Variants in TCF4 observed in about 807,000 individuals in gnomAD.
The protein encoded by TCF4 is SL3-3 enhancer factor 2.
A neutral mutation model predicts 82.1 loss-of-function variants in TCF4; 3 were observed. The observed-to-expected ratio is 0.04, with a 90% confidence interval of 0.02 to 0.09. The LOEUF (loss-of-function observed/expected upper bound fraction) is 0.09. Among genes scored for constraint, TCF4 ranks in the 10% least tolerant of loss-of-function variants. TCF4 has a pLI of 1.00. For missense variants in TCF4, 518 were observed against 852.7 expected (o/e 0.61, Z 4.89); for synonymous variants, 276 against 309.6 (o/e 0.89, Z 1.14).
At chr18:55,427,372 A>G (rs2095033038) in intron 5 of TCF4, among the ~76,000 whole-genome samples, 1 of 152,190 alleles carries the variant, frequency 6.6e-6, no homozygotes, top group Admixed American at 6.5e-5. Flanking sequence ...ATGATTCCTC[A>G]GCTCCCTTGA....
At chr18:55,588,278 A>G, upstream of TCF4, 1 of 1,433,074 alleles carries the variant, frequency 7.0e-7, no homozygotes, top group Non-Finnish European at 9.1e-7. Context: ...GGAGGGGGAA[A>G]CACGCCGAGG....
chr18:55,288,712 A>C (rs1322577512), intron 8 of TCF4, among the ~76,000 whole-genome samples: 1 of 152,224 alleles, frequency 6.6e-6, no homozygotes, highest in Non-Finnish European at 1.5e-5. Context: ...TTACTGCAAG[A>C]AGCAGGACCA....
chr18:55,625,607 C>T (rs908728067), intron 2 of TCF4, among the ~76,000 whole-genome samples: 14 of 152,114 alleles, frequency 9.2e-5, no homozygotes, highest in African/African-American at 3.4e-4. Flanking sequence ...AAAGTTGTCC[C>T]ACCGATGAGA....
At chr18:55,542,305 T>C (rs914147387) in intron 3 of TCF4, among the ~76,000 whole-genome samples, 4 of 152,108 alleles carry the variant, frequency 2.6e-5, no homozygotes, top group East Asian at 3.9e-4. Flanking sequence ...ACATAGAATC[T>C]TAAAAGTTAA....
chr18:55,443,835 A>C (rs2095481589), intron 5 of TCF4, among the ~76,000 whole-genome samples: 2 of 152,248 alleles, frequency 1.3e-5, no homozygotes. Flanking sequence ...CTACAATAGT[A>C]ACAGGGAAAA....
intron 3 of TCF4, among the ~76,000 whole-genome samples, chr18:55,470,975 C>T (rs1448836329): frequency 1.3e-5 from 2 of 152,138 alleles, no homozygotes; most frequent in South Asian, 2.1e-4. Context: ...TCACAGACTG[C>T]GTACATCTGT....
chr18:55,331,698 A>T (rs2077597167), intron 8 of TCF4, among the ~76,000 whole-genome samples: 1 of 152,238 alleles, frequency 6.6e-6, no homozygotes, highest in Admixed American at 6.5e-5. Flanking sequence ...TATCTACTTT[A>T]GACTGATAAA....
intron 3 of TCF4, among the ~76,000 whole-genome samples, chr18:55,512,555 T>C (rs2096839072): frequency 6.6e-6 from 1 of 152,168 alleles, no homozygotes; most frequent in Non-Finnish European, 1.5e-5. Flanking sequence ...TGTATGTGCA[T>C]ATATAGCTGT....
At chr18:55,634,529 C>T (rs1353776415) in intron 1 of TCF4, among the ~76,000 whole-genome samples, 3 of 152,102 alleles carry the variant, frequency 2.0e-5, no homozygotes, top group Non-Finnish European at 4.4e-5. Context: ...AAAGAAAAAA[C>T]ATCCCATCTA....
intron 6 of TCF4, among the ~76,000 whole-genome samples, chr18:55,392,963 A>G (rs187183251): frequency 6.6e-6 from 1 of 152,342 alleles, no homozygotes; most frequent in East Asian, 1.9e-4. Context: ...ATAACTTAAA[A>G]TAAGTTTAGG....
At chr18:55,334,722 G>A (rs906705979) in intron 8 of TCF4, among the ~76,000 whole-genome samples, 2 of 152,084 alleles carry the variant, frequency 1.3e-5, no homozygotes, top group African/African-American at 2.4e-5. Flanking sequence ...ATTATCAATC[G>A]TTCAAAATAA....
chr18:55,596,853 G>A (rs1168163121), intron 2 of TCF4, among the ~76,000 whole-genome samples: 4 of 152,008 alleles, frequency 2.6e-5, no homozygotes, highest in African/African-American at 7.3e-5. Context: ...TATAGCCACT[G>A]CTCAAGTAGA....
At chr18:55,533,324 G>A (rs566048483) in intron 3 of TCF4, among the ~76,000 whole-genome samples, 16 of 152,192 alleles carry the variant, frequency 1.1e-4, no homozygotes, top group South Asian at 8.3e-4. Context: ...GAGCAAATAT[G>A]TACCCTCACA....
intron 8 of TCF4, among the ~76,000 whole-genome samples, chr18:55,301,525 C>G (rs1343166166): frequency 1.3e-5 from 2 of 152,172 alleles, no homozygotes; most frequent in Non-Finnish European, 2.9e-5. Context: ...CCTCCAGCAG[C>G]CGCTTCTGAA....
intron 5 of TCF4, among the ~76,000 whole-genome samples, chr18:55,422,918 C>T (rs947528992): frequency 5.9e-5 from 9 of 151,820 alleles, no homozygotes; most frequent in African/African-American, 2.2e-4. Flanking sequence ...TGCCAGGAGC[C>T]GATCAGCATT....
intron 3 of TCF4, among the ~76,000 whole-genome samples, chr18:55,476,129 C>T (rs1052633362): frequency 2.6e-5 from 4 of 151,916 alleles, no homozygotes; most frequent in African/African-American, 9.7e-5. Context: ...GACAAGCATA[C>T]TCATGACACA....
At chr18:55,476,805 C>T (rs1297514026) in intron 3 of TCF4, among the ~76,000 whole-genome samples, 2 of 152,206 alleles carry the variant, frequency 1.3e-5, no homozygotes, top group African/African-American at 2.4e-5. Flanking sequence ...ACAGTGCTGA[C>T]ATATTTCAAC....
intron 8 of TCF4, chr18:55,322,057 A>C (rs2075635370): frequency 8.6e-7 from 1 of 1,158,236 alleles, no homozygotes; most frequent in African/African-American, 1.6e-5. Flanking sequence ...GATTCTTACA[A>C]ATTTCTGCAG....
chr18:55,505,121 C>T (rs2096739766), intron 3 of TCF4, among the ~76,000 whole-genome samples: 1 of 152,054 alleles, frequency 6.6e-6, no homozygotes, highest in African/African-American at 2.4e-5. Flanking sequence ...ATAAGCCTGA[C>T]CTATGGAAGC....
Sources: allele counts gnomAD v4.1 joint callset (sites outside exome capture counted in the v4.1 genomes callset), GRCh38; gene constraint gnomAD v4.1.1; transcripts MANE v1.5; gene names NCBI Gene and HGNC (gene_info 2026-07-23, HGNC 2026-07-21).